Variants in PKP2 observed in about 807,000 individuals in gnomAD.
PKP2 encodes the protein plakophilin 2, also known as plakophilin-2.
Under a neutral mutation model 83.4 loss-of-function variants are expected in PKP2, and 73 were observed. That is an observed-to-expected ratio of 0.88 (90% CI 0.72 to 1.06). The LOEUF (loss-of-function observed/expected upper bound fraction) is 1.06, where lower values mean the gene tolerates loss of function less well. Ranked by LOEUF, PKP2 falls within the 50% of genes least tolerant of loss-of-function variation. The pLI is 0.00. For missense variants in PKP2, 966 were observed against 1,065.4 expected, an observed-to-expected ratio of 0.91 and a Z score of 1.30; for synonymous variants, 409 against 430.4, an observed-to-expected ratio of 0.95 and a Z score of 0.62.
chr12:32,824,339 A>G (rs913971910), intron 6 of PKP2, 177 bp from the exon 7 acceptor site: 2 of 618,956 alleles, frequency 3.2e-6, no homozygotes, highest in African/African-American at 3.7e-5. Context: ...AACTATGAAC[A>G]TACTTTCTAA....
chr12:32,891,050 A>G (rs1176929712), intron 1 of PKP2, among the ~76,000 whole-genome samples: 1 of 152,096 alleles, frequency 6.6e-6, no homozygotes, highest in African/African-American at 2.4e-5. Context: ...TTACTCTACT[A>G]GTCAGGGGAG....
intron 8 of PKP2, chr12:32,821,863 T>C (rs564390709): frequency 9.4e-6 from 3 of 320,538 alleles, no homozygotes; most frequent in Non-Finnish European, 1.2e-5. Flanking sequence ...ACCCTGTAGA[T>C]AAGAAAAACA....
chr12:32,835,398 T>G (rs1210630421), intron 6 of PKP2, among the ~76,000 whole-genome samples: 1 of 152,118 alleles, frequency 6.6e-6, no homozygotes, highest in Non-Finnish European at 1.5e-5. Flanking sequence ...ATAAATATTT[T>G]GGAATTTAAA....
chr12:32,860,945 T>C (rs1298994640), intron 4 of PKP2, among the ~76,000 whole-genome samples: 3 of 152,072 alleles, frequency 2.0e-5, no homozygotes, highest in Admixed American at 6.6e-5. Flanking sequence ...AGAGAATCAC[T>C]TGAACTCGGG....
At chr12:32,795,364 ACTG>A (rs1270247977) in intron 11 of PKP2, among the ~76,000 whole-genome samples, 1 of 151,138 alleles carries the variant, frequency 6.6e-6, no homozygotes, top group Non-Finnish European at 1.5e-5. Context: ...CTGTGTCATC[ACTG>A]CTGCTGCTGC....
At chr12:32,805,928 A>T (rs1040249676) in intron 9 of PKP2, among the ~76,000 whole-genome samples, 1 of 152,118 alleles carries the variant, frequency 6.6e-6, no homozygotes, top group African/African-American at 2.4e-5. Flanking sequence ...CCATGAAGCG[A>T]TGTCGAATTT....
chr12:32,866,322 G>A (rs948916815), intron 4 of PKP2, among the ~76,000 whole-genome samples: 4 of 152,004 alleles, frequency 2.6e-5, no homozygotes, highest in African/African-American at 9.7e-5. Context: ...GGAGGCCAAG[G>A]TAGCTGGCTC....
Position 32,878,982 on chromosome 12 carries a change from A to C in PKP2, c.274T>G (p.Leu92Val), listed in dbSNP as rs773851296. 5.0e-6 allele frequency: 8 copies of C among 1,609,320 alleles called. No homozygotes were observed. In the Admixed American group the frequency reaches 1.2e-4, roughly 23 times the overall value. Residue 92 changes from leucine (L) to valine (V), a missense_variant, in exon 2 of 13, where the codon TTG becomes GTG. Coordinates refer to ENST00000340811, the MANE Select transcript of PKP2 (RefSeq NM_001005242.3). ...CCTCCAACAAAATCATTTTCAACCAAGTGTAGGTTGTAGACATACTCAGGA... is the reference window on the plus strand; with the variant it reads ...CCTCCAACAAAATCATTTTCAACCACGTGTAGGTTGTAGACATACTCAGGA... ...SVPEYVYNLHLVENDFVGGRS... is the reference protein window; with the variant it reads ...SVPEYVYNLHVVENDFVGGRS...
chr12:32,838,927 A>T (rs1956565289), intron 6 of PKP2, among the ~76,000 whole-genome samples: 1 of 152,370 alleles, frequency 6.6e-6, no homozygotes, highest in African/African-American at 2.4e-5. Flanking sequence ...ATTTATGAAC[A>T]TTATGAACTT....
chr12:32,825,521 CT>C (rs1956430594), intron 6 of PKP2, among the ~76,000 whole-genome samples: 1 of 152,236 alleles, frequency 6.6e-6, no homozygotes, highest in East Asian at 1.9e-4. Flanking sequence ...ATGTTCAGGA[CT>C]TTTTCTTTAT....
At chr12:32,891,709 A>G (rs1443082798) in intron 1 of PKP2, among the ~76,000 whole-genome samples, 1 of 152,180 alleles carries the variant, frequency 6.6e-6, no homozygotes, top group African/African-American at 2.4e-5. Flanking sequence ...CCTGCGTCTT[A>G]TCTGTCACAT....
At chr12:32,889,664 A>G (rs1957060550) in intron 1 of PKP2, among the ~76,000 whole-genome samples, 1 of 152,222 alleles carries the variant, frequency 6.6e-6, no homozygotes, top group African/African-American at 2.4e-5. Flanking sequence ...ATAGTCACAT[A>G]CATGCTTTTG....
At chr12:32,861,583 A>G (rs1434873236) in intron 4 of PKP2, among the ~76,000 whole-genome samples, 2 of 152,230 alleles carry the variant, frequency 1.3e-5, no homozygotes, top group African/African-American at 4.8e-5. Context: ...AGATCTAAAG[A>G]AGCCTAACGT....
At chr12:32,854,681 T>C (rs1474128512) in intron 4 of PKP2, among the ~76,000 whole-genome samples, 4 of 152,186 alleles carry the variant, frequency 2.6e-5, no homozygotes, top group African/African-American at 9.6e-5. Context: ...CTACCATGAA[T>C]GTTTCAGAAC....
chr12:32,792,540 C>T, intron 12 of PKP2, 48 bp from the exon 13 acceptor site: 1 of 1,573,384 alleles, frequency 6.4e-7, no homozygotes, highest in Non-Finnish European at 8.7e-7. Context: ...AACTGGCACA[C>T]AAGAAAATGC....
intron 11 of PKP2, among the ~76,000 whole-genome samples, chr12:32,795,390 T>C (rs2137705597): frequency 6.6e-6 from 1 of 152,126 alleles, no homozygotes; most frequent in Non-Finnish European, 1.5e-5. Flanking sequence ...TTTTTTTTTT[T>C]TCTTTTTTGA....
intron 6 of PKP2, among the ~76,000 whole-genome samples, chr12:32,833,361 G>C (rs1171916158): frequency 6.6e-6 from 1 of 152,166 alleles, no homozygotes; most frequent in Non-Finnish European, 1.5e-5. Context: ...ATTATATTTG[G>C]TATGTGGTTT....
At chr12:32,851,150 GTCA>G (rs1956693701) in intron 4 of PKP2, among the ~76,000 whole-genome samples, 177 bp from the exon 5 acceptor site, 1 of 152,148 alleles carries the variant, frequency 6.6e-6, no homozygotes, top group African/African-American at 2.4e-5. Flanking sequence ...GGCAGTATCT[GTCA>G]TCAAGGAACT....
chr12:32,852,747 A>G (rs1956711457), intron 4 of PKP2, among the ~76,000 whole-genome samples: 1 of 152,106 alleles, frequency 6.6e-6, no homozygotes, highest in Non-Finnish European at 1.5e-5. Flanking sequence ...GGCCACAGCA[A>G]TTTTGTTGGA....
Sources: gnomAD v4.1 joint callset for allele counts (sites outside exome capture counted in the v4.1 genomes callset) on GRCh38, gnomAD v4.1.1 for gene constraint, MANE v1.5 for transcripts, NCBI Gene and HGNC (gene_info 2026-07-23, HGNC 2026-07-21) for gene names.